Variants in NKD1 observed in about 807,000 individuals in gnomAD.
NKD1 encodes NKD inhibitor of Wnt signaling pathway 1.
NKD1 carries 21 observed loss-of-function variants against 56.0 expected under a neutral mutation model. The observed-to-expected ratio is 0.38, with a 90% CI of 0.27 to 0.54. The LOEUF (loss-of-function observed/expected upper bound fraction) is 0.54. Ranked by LOEUF, NKD1 falls within the 20% of genes least tolerant of loss-of-function variation. The probability of loss-of-function intolerance (pLI) is 0.82; values close to 1 mark genes in which losing one functional copy is unlikely to be tolerated. For synonymous variants in NKD1, 263 were observed against 265.7 expected (o/e 0.99, Z 0.10); for missense variants, 578 against 642.7 (o/e 0.90, Z 1.09).
Position 50,632,198 on chromosome 16 carries a change from T to C in NKD1, c.696-83T>C. 1 of 1,379,206 alleles carries C rather than the reference T, an allele frequency of 7.3e-7. No homozygotes were observed. The highest frequency in any genetic ancestry group is 1.0e-6 in the Non-Finnish European group (1 of 980,334). 85.4% of individuals were successfully genotyped at this position (1,379,206 alleles called of 1,614,324 possible). On this transcript the variant is annotated intron_variant, in intron 8 of 9. Transcript: ENST00000268459. The surrounding 1 kb of genome is among the most constrained non-coding windows in gnomAD (Gnocchi z 4.1). ...AAATGAATGAAGGGTCCAGAGTTCA[T>C]TCTGGGGGCTTCCTAGTAGCCTATG... is the stretch of plus-strand genomic sequence containing the variant.
intron 6 of NKD1, among the ~76,000 whole-genome samples, chr16:50,625,979 G>A (rs1359361119): frequency 6.6e-6 from 1 of 152,218 alleles, no homozygotes; most frequent in Non-Finnish European, 1.5e-5. Flanking sequence ...CACCTCCCTT[G>A]CTCAGCCATG....
chr16:50,608,439 A>T, intron 4 of NKD1, 79 bp downstream of exon 4: 1 of 1,032,566 alleles, frequency 9.7e-7, no homozygotes, highest in Non-Finnish European at 1.5e-6. Context: ...TGCCCTGTGT[A>T]CTCCAGAAAA....
chr16:50,583,341 G>C (rs1054883054), intron 3 of NKD1, among the ~76,000 whole-genome samples: 1 of 152,194 alleles, frequency 6.6e-6, no homozygotes, highest in Non-Finnish European at 1.5e-5. Context: ...GTGAGGCTCT[G>C]AGACCGAACA....
At chr16:50,575,621 C>T (rs916843650) in intron 3 of NKD1, among the ~76,000 whole-genome samples, 1 of 152,216 alleles carries the variant, frequency 6.6e-6, no homozygotes, top group African/African-American at 2.4e-5. Context: ...CTGGACTTAG[C>T]AGAGGGCTTG....
chr16:50,600,049 G>A (rs531903771), intron 3 of NKD1, among the ~76,000 whole-genome samples: 6 of 152,138 alleles, frequency 3.9e-5, no homozygotes, highest in South Asian at 2.1e-4. Flanking sequence ...CCCACCCACC[G>A]TCTTCCTACT....
rs1035561087 is a variant in NKD1 at position 50,633,688 on chromosome 16, G to A, written c.1320G>A (p.Val440=). 6 of 1,598,842 alleles carry A rather than the reference G, an allele frequency of 3.8e-6. No individual in the cohort carries two copies. The highest frequency in any genetic ancestry group is 1.3e-5 in the African/African-American group (1 of 74,758). The change falls in exon 10 of 10, where the codon GTG becomes GTA. Residue 440 remains valine (V), a synonymous_variant. Coordinates refer to ENST00000268459, the MANE Select transcript of NKD1 (RefSeq NM_033119.5). This position sits in a 1 kb window ranked among gnomAD's most constrained non-coding sequence, Gnocchi z 4.9. The part of the protein sequence containing the change: ...EHLRELPALV[V]YESQAGQPVQ... ...TGCGGGAGCTGCCCGCCTTGGTGGT[G>A]TATGAGAGCCAGGCCGGGCAGCCGG... is the stretch of plus-strand genomic sequence containing the variant.
chr16:50,601,540 G>A (rs185529987), intron 3 of NKD1, among the ~76,000 whole-genome samples: 32 of 152,344 alleles, frequency 2.1e-4, no homozygotes, highest in Admixed American at 1.8e-3. Flanking sequence ...GCTGGTCCCA[G>A]TACTGGCCTC....
chr16:50,549,267 C>T (rs1596698157), intron 2 of NKD1, among the ~76,000 whole-genome samples, 155 bp from the exon 3 acceptor site: 3 of 151,746 alleles, frequency 2.0e-5, no homozygotes, highest in African/African-American at 2.4e-5. Flanking sequence ...TACTTACCCG[C>T]GTCCCTCTCT....
chr16:50,560,693 A>G (rs1201783051), intron 3 of NKD1, among the ~76,000 whole-genome samples: 14 of 151,044 alleles, frequency 9.3e-5, no homozygotes, highest in Admixed American at 8.6e-4. Context: ...CAATTTAGTG[A>G]CCAAAATGAA....
chr16:50,612,305 T>A (rs568660999), intron 4 of NKD1, among the ~76,000 whole-genome samples: 2 of 152,354 alleles, frequency 1.3e-5, no homozygotes, highest in Non-Finnish European at 2.9e-5. Flanking sequence ...AGGCCTGTAC[T>A]TCCTTTCATC....
intron 3 of NKD1, among the ~76,000 whole-genome samples, chr16:50,592,077 T>C (rs1224238899): frequency 1.3e-5 from 2 of 152,198 alleles, no homozygotes; most frequent in African/African-American, 4.8e-5. Context: ...TGGCTGCCGC[T>C]GAGGACAGAG....
intron 4 of NKD1, among the ~76,000 whole-genome samples, chr16:50,610,203 C>A (rs746540895): frequency 5.3e-5 from 8 of 151,988 alleles, no homozygotes; most frequent in Non-Finnish European, 1.0e-4. Flanking sequence ...TTTAAAAAAT[C>A]AAAAAACCAC....
chr16:50,548,421 G>A lies in NKD1; in HGVS notation c.-133G>A, dbSNP rs1439079586. On this transcript the variant is annotated 5_prime_UTR_variant, in exon 1 of 10. Coordinates refer to ENST00000268459, the MANE Select transcript of NKD1 (RefSeq NM_033119.5). ...AGTCGGGCCGCGGCGACGGCGGCAGGAGCGCGTCCCGGCGCCGCCTCGGGC... is the reference window on the plus strand; with the variant it reads ...AGTCGGGCCGCGGCGACGGCGGCAGAAGCGCGTCCCGGCGCCGCCTCGGGC... 1 of 485,582 alleles carries A rather than the reference G, an allele frequency of 2.1e-6. No homozygotes were observed. The highest frequency in any genetic ancestry group is 3.0e-6 in the Non-Finnish European group (1 of 334,894). The allele number at this position is 485,582 out of a possible 1,614,324, so 30.1% of individuals were successfully genotyped here.
intron 3 of NKD1, chr16:50,552,231 T>C (rs937316118): frequency 6.6e-6 from 1 of 152,278 alleles, no homozygotes; most frequent in Non-Finnish European, 1.5e-5. Context: ...TCAAGCACTT[T>C]GCTTACATTA....
Position 50,633,370 on chromosome 16 carries a change from G to T in NKD1, c.1002G>T (p.Arg334=). The T allele has an allele frequency of 6.2e-7, 1 of 1,614,098 alleles. No individual in the cohort carries two copies. The highest frequency in any genetic ancestry group is 8.5e-7 in the Non-Finnish European group (1 of 1,179,994). Reference sequence around the variant, plus strand: ...CCAAGGTCTCAGAGCTCCAGCAACGGCTCCGGGGCACCCAGGACGGGAGCA... The same window carrying T: ...CCAAGGTCTCAGAGCTCCAGCAACGTCTCCGGGGCACCCAGGACGGGAGCA... ...PIAKVSELQQ[R]LRGTQDGSKH... is the part of the protein sequence containing the mutation. Residue 334 remains arginine (R), a synonymous_variant, in exon 10 of 10, where the codon CGG becomes CGT. Transcript: ENST00000268459. The surrounding 1 kb of genome is among the most constrained non-coding windows in gnomAD (Gnocchi z 4.9).
intron 5 of NKD1, among the ~76,000 whole-genome samples, chr16:50,622,996 C>T (rs1386997310): frequency 6.6e-6 from 1 of 151,800 alleles, no homozygotes; most frequent in Non-Finnish European, 1.5e-5. Flanking sequence ...TGGATAGAGA[C>T]TGGGGAGGTG....
chr16:50,624,881 C>T (rs1278333366), intron 5 of NKD1, among the ~76,000 whole-genome samples: 2 of 152,208 alleles, frequency 1.3e-5, no homozygotes, highest in East Asian at 3.8e-4. Context: ...GTCCCCACCA[C>T]AGCTGCAGGG....
chr16:50,554,468 T>C (rs563040526), intron 3 of NKD1, among the ~76,000 whole-genome samples: 15 of 152,288 alleles, frequency 9.8e-5, no homozygotes, highest in African/African-American at 3.6e-4. Context: ...CTGCCTCCTT[T>C]TTCCCCAGCT....
At chr16:50,627,508 G>A (rs1395758677) in intron 6 of NKD1, among the ~76,000 whole-genome samples, 1 of 152,120 alleles carries the variant, frequency 6.6e-6, no homozygotes, top group Non-Finnish European at 1.5e-5. Flanking sequence ...TTGAGTGGAG[G>A]GAGGACTGGT....
Sources: gnomAD v4.1 joint callset for allele counts (sites outside exome capture counted in the v4.1 genomes callset) on GRCh38, gnomAD v4.1.1 for gene constraint, Gnocchi (gnomAD v3.1) non-coding constraint, MANE v1.5 for transcripts, NCBI Gene and HGNC (gene_info 2026-07-23, HGNC 2026-07-21) for gene names.